The following ZNF804B variants were observed in gnomAD, a reference collection of about 807,000 sequenced individuals.
The protein encoded by ZNF804B is zinc finger protein 804B, also known as zinc finger 804B.
ZNF804B carries 80 observed loss-of-function variants against 101.4 expected under a neutral mutation model. The ratio of observed to expected loss-of-function variants is 0.79; its 90% CI spans 0.66 to 0.95. The LOEUF (loss-of-function observed/expected upper bound fraction) is 0.95, where lower values mean the gene tolerates loss of function less well. Among genes scored for constraint, ZNF804B ranks in the 40% least tolerant of loss-of-function variants. The pLI is 0.00. For missense variants in ZNF804B, 1,673 were observed against 1,561.9 expected (o/e 1.07, Z -1.20); for synonymous variants, 622 against 558.8 (o/e 1.11, Z -1.59).
At chr7:88,952,365 A>T (rs1386082207) in intron 1 of ZNF804B, among the ~76,000 whole-genome samples, 1 of 151,872 alleles carries the variant, frequency 6.6e-6, no homozygotes, top group Non-Finnish European at 1.5e-5. Context: ...TTTTAAAAAT[A>T]AAAGCAATTT....
rs10231735 is a variant in ZNF804B, at chr7:88,857,247, G to A, written c.108+97163G>A. On this transcript the variant is annotated intron_variant, in intron 1 of 3. Coordinates refer to ENST00000333190, the MANE Select transcript of ZNF804B (RefSeq NM_181646.5). ...ACATTCAAAAGCTAGCAGAAGGCAA[G>A]AAATAACTAAGATCAGAGCAGAACT... 2.0e-3 allele frequency among the ~76,000 whole-genome samples: 308 copies of A among 152,122 alleles called. 2 individuals are homozygous for A. The highest frequency in any genetic ancestry group is 7.1e-3 in the African/African-American group (296 of 41,502).
At chr7:88,825,784 A>G (rs1422859548) in intron 1 of ZNF804B, among the ~76,000 whole-genome samples, 1 of 152,156 alleles carries the variant, frequency 6.6e-6, no homozygotes, top group Non-Finnish European at 1.5e-5. Context: ...CTGTACCTGT[A>G]TGATGATGCT....
chr7:89,188,024 T>G (rs889843730), intron 1 of ZNF804B, among the ~76,000 whole-genome samples: 1 of 152,086 alleles, frequency 6.6e-6, no homozygotes, highest in Non-Finnish European at 1.5e-5. Flanking sequence ...GTCATTTGAT[T>G]GTGTTTCATT....
chr7:89,292,181 T>A (rs1240993339), intron 2 of ZNF804B, among the ~76,000 whole-genome samples: 4 of 152,122 alleles, frequency 2.6e-5, no homozygotes, highest in African/African-American at 9.7e-5. Flanking sequence ...AAATGGATGT[T>A]AATGAGCAAT....
At chr7:88,857,325 C>G (rs971057018) in intron 1 of ZNF804B, among the ~76,000 whole-genome samples, 4 of 152,102 alleles carry the variant, frequency 2.6e-5, no homozygotes, top group African/African-American at 9.7e-5. Context: ...AATCCAGGAG[C>G]TGGTTTTTTG....
At chr7:88,903,503 G>T (rs1034433376) in intron 1 of ZNF804B, among the ~76,000 whole-genome samples, 4 of 152,096 alleles carry the variant, frequency 2.6e-5, no homozygotes, top group Non-Finnish European at 4.4e-5. Flanking sequence ...TCGTAGTTCT[G>T]TTGGAAGTTA....
intron 1 of ZNF804B, among the ~76,000 whole-genome samples, chr7:88,848,365 A>G (rs1354748523): frequency 6.6e-6 from 1 of 152,148 alleles, no homozygotes; most frequent in Non-Finnish European, 1.5e-5. Context: ...TAGCATGAGT[A>G]TTATCAGTGA....
intron 1 of ZNF804B, among the ~76,000 whole-genome samples, chr7:89,027,741 T>G (rs1458972786): frequency 6.6e-6 from 1 of 152,176 alleles, no homozygotes; most frequent in Non-Finnish European, 1.5e-5. Flanking sequence ...CAATACTTTT[T>G]GAACGGCAAG....
chr7:89,138,907 G>A (rs1790676355), intron 1 of ZNF804B, among the ~76,000 whole-genome samples: 1 of 152,080 alleles, frequency 6.6e-6, no homozygotes. Context: ...GGAACTATAA[G>A]TTTAATTAAA....
intron 1 of ZNF804B, among the ~76,000 whole-genome samples, chr7:89,124,217 C>A (rs1283860152): frequency 6.8e-6 from 1 of 147,946 alleles, no homozygotes; most frequent in Non-Finnish European, 1.5e-5. Context: ...AACAGCACAT[C>A]ATAAATCCCA....
intron 1 of ZNF804B, among the ~76,000 whole-genome samples, chr7:88,845,301 G>GCACACACA (rs372272018): frequency 0.04 from 6,036 of 149,984 alleles, 165 homozygotes; most frequent in South Asian, 0.11. Context: ...GCACGCGCGC[G>GCACACACA]CACACACACA....
intron 2 of ZNF804B, among the ~76,000 whole-genome samples, chr7:89,221,557 T>C (rs1475905445): frequency 1.3e-5 from 2 of 151,932 alleles, no homozygotes; most frequent in African/African-American, 2.4e-5. Context: ...GGGGTGAATC[T>C]TCCATATCAG....
At position 88,945,270 on chromosome 7, in the gene ZNF804B, G is replaced by T. The variant is rs552130689; in HGVS notation, c.108+185186G>T. ...CATCTTGAGTTAATTTTTGTATAAG[G>T]TGTAAGGAAGGGGTCCAGTTTCAGT... On this transcript the variant is annotated intron_variant, in intron 1 of 3. Coordinates refer to ENST00000333190, the MANE Select transcript of ZNF804B (RefSeq NM_181646.5). Among the ~76,000 whole-genome samples, 3 of 152,134 alleles carry T rather than the reference G, an allele frequency of 2.0e-5. No homozygotes were observed. In the South Asian group the frequency reaches 6.2e-4, roughly 32 times the overall value.
At chr7:88,880,725 T>G (rs1313166651) in intron 1 of ZNF804B, among the ~76,000 whole-genome samples, 1 of 151,838 alleles carries the variant, frequency 6.6e-6, no homozygotes, top group Non-Finnish European at 1.5e-5. Context: ...AGGAAGAAAA[T>G]TTTAATTAAA....
At chr7:89,097,944 T>G (rs1016237013) in intron 1 of ZNF804B, among the ~76,000 whole-genome samples, 1 of 152,204 alleles carries the variant, frequency 6.6e-6, no homozygotes, top group Admixed American at 6.5e-5. Flanking sequence ...TATGTCATAT[T>G]GCTTAGCTGT....
intron 3 of ZNF804B, among the ~76,000 whole-genome samples, chr7:89,332,378 C>T (rs928810674): frequency 6.6e-6 from 1 of 151,502 alleles, no homozygotes; most frequent in South Asian, 2.1e-4. Context: ...ATTCAAGCAA[C>T]AAATGACTAG....
intron 2 of ZNF804B, among the ~76,000 whole-genome samples, chr7:89,255,009 C>T (rs1789604546): frequency 6.6e-6 from 1 of 152,158 alleles, no homozygotes; most frequent in Admixed American, 6.5e-5. Context: ...ATATATTAAT[C>T]TGTTCTCACA....
intron 1 of ZNF804B, among the ~76,000 whole-genome samples, chr7:88,907,499 T>C (rs564872541): frequency 7.9e-5 from 12 of 152,184 alleles, no homozygotes; most frequent in Admixed American, 5.9e-4. Context: ...GAAGCTAACA[T>C]TGCTATAGCA....
intron 2 of ZNF804B, among the ~76,000 whole-genome samples, chr7:89,285,265 G>A (rs1311697775): frequency 6.6e-6 from 1 of 151,760 alleles, no homozygotes; most frequent in Non-Finnish European, 1.5e-5. Context: ...GCTCACGCCT[G>A]TAATCCCAGC....
Sources: allele counts gnomAD v4.1 joint callset (sites outside exome capture counted in the v4.1 genomes callset), GRCh38; gene constraint gnomAD v4.1.1; transcripts MANE v1.5; gene names NCBI Gene and HGNC (gene_info 2026-07-23, HGNC 2026-07-21).